Variants in DSCAM observed in about 807,000 individuals in gnomAD.
DSCAM encodes cell adhesion molecule DSCAM.
In DSCAM, 47 loss-of-function variants were observed where a neutral mutation model predicts 217.7. That is an observed-to-expected ratio of 0.22 (90% confidence interval 0.17 to 0.28). The LOEUF is 0.28. Ranked by LOEUF, DSCAM falls within the 10% of genes least tolerant of loss-of-function variation. DSCAM has a pLI of 1.00. For missense variants in DSCAM, 2,080 were observed against 2,618.3 expected, an observed-to-expected ratio of 0.79 and a Z score of 4.49; for synonymous variants, 1,056 against 1,015.3, an observed-to-expected ratio of 1.04 and a Z score of -0.76.
intron 10 of DSCAM, among the ~76,000 whole-genome samples, chr21:40,278,815 T>C (rs1473614844): frequency 6.6e-6 from 1 of 152,144 alleles, no homozygotes; most frequent in Non-Finnish European, 1.5e-5. Context: ...TGTCCTAGCA[T>C]ATAGTGATAA....
At chr21:40,040,404 T>C (rs1255515604) in intron 32 of DSCAM, among the ~76,000 whole-genome samples, 1 of 152,172 alleles carries the variant, frequency 6.6e-6, no homozygotes, top group African/African-American at 2.4e-5. Context: ...CCTGTAATTA[T>C]GTAAAGGCCT....
chr21:40,410,548 A>G (rs1337787071), intron 3 of DSCAM, among the ~76,000 whole-genome samples: 1 of 152,086 alleles, frequency 6.6e-6, no homozygotes, highest in African/African-American at 2.4e-5. Flanking sequence ...TATTAAGCCA[A>G]GGACATATGA....
At chr21:40,205,269 G>A (rs1251705458) in intron 11 of DSCAM, among the ~76,000 whole-genome samples, 2 of 152,134 alleles carry the variant, frequency 1.3e-5, no homozygotes, top group Non-Finnish European at 2.9e-5. Context: ...GCATGCTGGG[G>A]GCCTTAGCAG....
At chr21:40,168,942 T>C (rs1366954619) in intron 15 of DSCAM, among the ~76,000 whole-genome samples, 2 of 152,184 alleles carry the variant, frequency 1.3e-5, no homozygotes, top group African/African-American at 4.8e-5. Flanking sequence ...ATTTGTATCA[T>C]AGGGTTGTTA....
intron 11 of DSCAM, among the ~76,000 whole-genome samples, chr21:40,209,934 C>T (rs1784706771): frequency 1.3e-5 from 2 of 152,206 alleles, no homozygotes; most frequent in South Asian, 2.1e-4. Context: ...TTTACAATGT[C>T]TTCCTGCTAT....
intron 3 of DSCAM, among the ~76,000 whole-genome samples, chr21:40,388,302 G>A (rs974547447): frequency 2.0e-5 from 3 of 152,098 alleles, no homozygotes; most frequent in Non-Finnish European, 4.4e-5. Flanking sequence ...TGATAATAAT[G>A]GCAAATATGA....
intron 20 of DSCAM, among the ~76,000 whole-genome samples, chr21:40,110,612 G>A (rs1017979997): frequency 6.6e-6 from 1 of 151,906 alleles, no homozygotes; most frequent in Non-Finnish European, 1.5e-5. Context: ...ATGATCAAAC[G>A]ACTCAGAGCT....
chr21:40,527,309 T>G (rs1344500413), intron 3 of DSCAM, among the ~76,000 whole-genome samples: 1 of 152,220 alleles, frequency 6.6e-6, no homozygotes, highest in African/African-American at 2.4e-5. Context: ...TCCCATAGTC[T>G]TCTTCTCCAC....
intron 3 of DSCAM, among the ~76,000 whole-genome samples, chr21:40,678,108 A>G (rs1158134203): frequency 6.6e-6 from 1 of 152,196 alleles, no homozygotes; most frequent in Non-Finnish European, 1.5e-5. Flanking sequence ...TTCAAAATGA[A>G]TCATTTTGGG....
At chr21:40,287,769 G>A (rs957370968) in intron 10 of DSCAM, among the ~76,000 whole-genome samples, 2 of 152,194 alleles carry the variant, frequency 1.3e-5, no homozygotes, top group East Asian at 3.9e-4. Context: ...GGGACAGCCA[G>A]GCCCTCTGGG....
chr21:40,739,777 A>G (rs2146540171), intron 1 of DSCAM, among the ~76,000 whole-genome samples: 1 of 130,664 alleles, frequency 7.7e-6, no homozygotes. Flanking sequence ...AACTTAGAGA[A>G]TTAGTTTTTT....
intron 10 of DSCAM, among the ~76,000 whole-genome samples, chr21:40,281,418 G>A (rs567510568): frequency 2.9e-4 from 44 of 152,156 alleles, no homozygotes; most frequent in African/African-American, 9.9e-4. Context: ...TAGGGACCAC[G>A]TTGCAATGAA....
chr21:40,102,271 T>C (rs2089761630), intron 20 of DSCAM, among the ~76,000 whole-genome samples: 1 of 152,216 alleles, frequency 6.6e-6, no homozygotes, highest in African/African-American at 2.4e-5. Context: ...AAAATATTTA[T>C]AGCAAGGTTT....
intron 18 of DSCAM, among the ~76,000 whole-genome samples, chr21:40,140,258 A>G (rs2090273356): frequency 6.6e-6 from 1 of 152,196 alleles, no homozygotes; most frequent in African/African-American, 2.4e-5. Flanking sequence ...AGACTTCTAC[A>G]TCGCACATTT....
Position 40,274,453 on chromosome 21 carries a change from T to C in DSCAM, c.2356+1644A>G, listed in dbSNP as rs149671016. Among the ~76,000 whole-genome samples the C allele has an allele frequency of 6.0e-3, 909 of 152,330 alleles. 13 individuals carry two copies. Among genetic ancestry groups the C allele is most frequent in the African/African-American group, 0.021 (854 of 41,568 alleles). ...TGGTTGATTGTACTTGTATCCTTCA[T>C]AGGGTCTTATATATATTGGGTCCTA... is the stretch of plus-strand genomic sequence containing the variant. On this transcript the variant is annotated intron_variant, in intron 11 of 32. Transcript: ENST00000400454.
chr21:40,513,560 G>C (rs1205786315), intron 3 of DSCAM, among the ~76,000 whole-genome samples: 1 of 152,130 alleles, frequency 6.6e-6, no homozygotes, highest in Non-Finnish European at 1.5e-5. Flanking sequence ...CAGAGAAGGA[G>C]CAAGAGTGAT....
intron 11 of DSCAM, among the ~76,000 whole-genome samples, chr21:40,202,179 G>A (rs1376182235): frequency 6.6e-6 from 1 of 152,172 alleles, no homozygotes; most frequent in African/African-American, 2.4e-5. Context: ...CCCTGTGTGG[G>A]AGCTGGGGGG....
intron 3 of DSCAM, among the ~76,000 whole-genome samples, chr21:40,676,301 C>A (rs2142128): frequency 0.46 from 70,158 of 152,086 alleles, 16,599 homozygotes; most frequent in East Asian, 0.59. Flanking sequence ...TCAGGACCAT[C>A]AACTAAGCAT....
At chr21:40,431,973 G>T (rs1429642449) in intron 3 of DSCAM, among the ~76,000 whole-genome samples, 1 of 152,172 alleles carries the variant, frequency 6.6e-6, no homozygotes, top group Admixed American at 6.5e-5. Context: ...GCCAAGGCGG[G>T]CAGGTCACCT....
Sources: gnomAD v4.1 joint callset for allele counts (sites outside exome capture counted in the v4.1 genomes callset) on GRCh38, gnomAD v4.1.1 for gene constraint, MANE v1.5 for transcripts, NCBI Gene and HGNC (gene_info 2026-07-23, HGNC 2026-07-21) for gene names.